Variants in ADGRE5 observed in about 807,000 individuals in gnomAD.
ADGRE5 encodes adhesion G protein-coupled receptor E5.
A neutral mutation model predicts 100.3 loss-of-function variants in ADGRE5; 72 were observed. The ratio of observed to expected loss-of-function variants is 0.72; its 90% CI spans 0.59 to 0.87. The LOEUF is 0.87. ADGRE5 is among the 40% of genes least tolerant of loss of function. The pLI, the probability that ADGRE5 is intolerant of heterozygous loss-of-function variation, is 0.00. For synonymous variants in ADGRE5, 439 were observed against 447.8 expected (o/e 0.98, Z 0.25); for missense variants, 959 against 1,094.7 (o/e 0.88, Z 1.75).
chr19:14,390,084 AAG>A (rs1426024616), intron 3 of ADGRE5, among the ~76,000 whole-genome samples: 1 of 144,106 alleles, frequency 6.9e-6, no homozygotes, highest in Non-Finnish European at 1.5e-5. Context: ...CTCAAAAAAA[AAG>A]AGAAGAAAAG....
At chr19:14,396,208 C>T (rs1165291325) in intron 4 of ADGRE5, 134 bp from the exon 5 acceptor site, 1 of 1,548,354 alleles carries the variant, frequency 6.5e-7, no homozygotes, top group African/African-American at 1.4e-5. Context: ...CATAGGATGC[C>T]TCTGTGTGGA....
chr19:14,399,563 C>CAA (rs764605166), intron 9 of ADGRE5, among the ~76,000 whole-genome samples: 1,971 of 31,744 alleles, frequency 0.062, 356 homozygotes, highest in East Asian at 0.11. Flanking sequence ...GACTCCGTCT[C>CAA]AAAAAAAAAA....
At chr19:14,403,392 G>A (rs1976092847) in intron 12 of ADGRE5, among the ~76,000 whole-genome samples, 1 of 151,958 alleles carries the variant, frequency 6.6e-6, no homozygotes, top group Non-Finnish European at 1.5e-5. Context: ...TCACTCTGTG[G>A]CCCAGGCTGG....
In ADGRE5 at chr19:14,407,082, C is replaced by T. The variant is rs771739352; in HGVS notation, c.2229C>T (p.Ile743=). 3.1e-6 allele frequency: 5 copies of T among 1,614,128 alleles called. No homozygotes were observed. The highest frequency in any genetic ancestry group is 4.2e-6 in the Non-Finnish European group (5 of 1,180,036). ...GCAGGGCGCTGACCATCACGGCCAT[C>T]GCGCAGCTCTTCCTGTTGGGCTGCA... The part of the protein sequence containing the change: ...KKARALTITA[I]AQLFLLGCTW... The change falls in exon 18 of 20, where the codon ATC becomes ATT. Residue 743 remains isoleucine (I), a synonymous_variant. Transcript: ENST00000242786.
chr19:14,385,854 C>T (rs528653932), intron 1 of ADGRE5, among the ~76,000 whole-genome samples: 22 of 151,382 alleles, frequency 1.5e-4, no homozygotes, highest in Non-Finnish European at 2.8e-4. Context: ...TGCTGCAACT[C>T]TGCCTCCTTA....
At chr19:14,398,905 G>A (rs1975896736) in intron 9 of ADGRE5, among the ~76,000 whole-genome samples, 1 of 151,160 alleles carries the variant, frequency 6.6e-6, no homozygotes, top group Non-Finnish European at 1.5e-5. Flanking sequence ...GCTGTGACAT[G>A]ATCATGGCTC....
At position 14,387,025 on chromosome 19, in the gene ADGRE5, T is replaced by A. The variant is rs540247637; in HGVS notation, c.23-1425T>A. Reference sequence around the variant, plus strand: ...GAGAGACTCTGTCTCAGAAAAAAAATAAAATAAATAAATAAATAAAAGAAG... The same window carrying A: ...GAGAGACTCTGTCTCAGAAAAAAAAAAAAATAAATAAATAAATAAAAGAAG... On this transcript the variant is annotated intron_variant, in intron 1 of 19. Coordinates refer to ENST00000242786, the MANE Select transcript of ADGRE5 (RefSeq NM_078481.4). 7.4e-4 allele frequency among the ~76,000 whole-genome samples: 112 copies of A among 150,928 alleles called. 1 individual carries two copies. The South Asian group carries it at 0.017, about 23-fold the overall frequency.
At chr19:14,400,852 A>G (rs1975980938) in intron 9 of ADGRE5, among the ~76,000 whole-genome samples, 1 of 152,208 alleles carries the variant, frequency 6.6e-6, no homozygotes, top group South Asian at 2.1e-4. Flanking sequence ...CGTATTAACC[A>G]CTTTAACATG....
chr19:14,396,227 G>T (rs1246509887), intron 4 of ADGRE5, 115 bp from the exon 5 acceptor site: 164 of 1,592,372 alleles, frequency 1.0e-4, no homozygotes, highest in Non-Finnish European at 1.4e-4. Flanking sequence ...GATTGGAAAA[G>T]GGAGGAGACA....
At chr19:14,407,359 A>G in intron 18 of ADGRE5, 130 bp downstream of exon 18, 1 of 1,072,852 alleles carries the variant, frequency 9.3e-7, no homozygotes, top group Non-Finnish European at 1.3e-6. Flanking sequence ...TGTCTTTACA[A>G]AAAAATTCAA....
intron 12 of ADGRE5, 47 bp downstream of exon 12, chr19:14,402,909 C>T (rs546827218): frequency 1.8e-5 from 29 of 1,593,396 alleles, no homozygotes; most frequent in South Asian, 1.3e-4. Flanking sequence ...CCAGGGCCTT[C>T]GCACATGCTG....
chr19:14,407,256 G>T (rs548539742), intron 18 of ADGRE5, 27 bp downstream of exon 18: 5 of 1,612,552 alleles, frequency 3.1e-6, no homozygotes, highest in South Asian at 1.1e-5. Flanking sequence ...AGTGGCGCAC[G>T]CCTGTCATCC....
intron 1 of ADGRE5, among the ~76,000 whole-genome samples, chr19:14,387,607 A>G (rs905830868): frequency 4.0e-5 from 6 of 151,788 alleles, no homozygotes; most frequent in Non-Finnish European, 8.8e-5. Flanking sequence ...GGACGCCTGT[A>G]GTCCCAGCTA....
At chr19:14,386,977 C>T (rs979115296) in intron 1 of ADGRE5, among the ~76,000 whole-genome samples, 5 of 147,178 alleles carry the variant, frequency 3.4e-5, no homozygotes, top group African/African-American at 5.0e-5. Flanking sequence ...ATCGTGCCAT[C>T]GCACTCCAGC....
At position 14,406,812 on chromosome 19, in the gene ADGRE5, C is replaced by CA; in HGVS notation, c.2115+47dup. On this transcript the variant is annotated intron_variant, in intron 16 of 19. Coordinates refer to ENST00000242786, the MANE Select transcript of ADGRE5 (RefSeq NM_078481.4). This position sits in a 1 kb window ranked among gnomAD's most constrained non-coding sequence, Gnocchi z 6.0. ...CACCGAAGCCCGAGCGCCACAGGCC[C>CA]AGGCCCGGCTGGACCATCGCTCTCG... The CA allele has an allele frequency of 6.2e-7, 1 of 1,611,928 alleles. No homozygotes were observed. Among genetic ancestry groups the CA allele is most frequent in the East Asian group, 2.2e-5 (1 of 44,878 alleles).
chr19:14,406,047 TGAGGC>T lies in ADGRE5; in HGVS notation c.1821+109_1821+113del. On this transcript the variant is annotated intron_variant, in intron 14 of 19. Transcript: ENST00000242786. The surrounding 1 kb of genome is among the most constrained non-coding windows in gnomAD (Gnocchi z 6.0). Reference sequence around the variant, plus strand: ...GTCGGGTAGGCGGGCCCTGGAGGCATGAGGCCCCGCCCCTGTCCGGGATCTGGCCC... The same window carrying T: ...GTCGGGTAGGCGGGCCCTGGAGGCATCCCGCCCCTGTCCGGGATCTGGCCC... The T allele has an allele frequency of 1.0e-6, 1 of 971,246 alleles. No individual in the cohort carries two copies. The highest frequency in any genetic ancestry group is 1.5e-6 in the Non-Finnish European group (1 of 672,250). 60.2% of individuals were successfully genotyped at this position (971,246 alleles called of 1,614,324 possible).
rs745649263 is a variant in ADGRE5 at position 14,398,124 on chromosome 19, C to T, written c.882C>T (p.Ala294=). ...GCAGAGACTCCAAGACAAGCTCAGC[C>T]GAGGTCACCATCCAGGTAAGGGCAG... ...DLGRDSKTSS[A]EVTIQNVIKL... Residue 294 remains alanine, a synonymous_variant, in exon 9 of 20, where the codon GCC becomes GCT. Transcript: ENST00000242786. The T allele has an allele frequency of 1.1e-5, 17 of 1,614,136 alleles. No individual in the cohort carries two copies. The highest frequency in any genetic ancestry group is 3.3e-5 in the Admixed American group (2 of 60,002).
chr19:14,387,727 C>G (rs1436143855), intron 1 of ADGRE5, among the ~76,000 whole-genome samples: 1 of 143,234 alleles, frequency 7.0e-6, no homozygotes, highest in East Asian at 2.0e-4. Flanking sequence ...GACTCCGTTT[C>G]AAAAAAAAAA....
At chr19:14,390,000 C>T (rs1305187645) in intron 3 of ADGRE5, among the ~76,000 whole-genome samples, 2 of 151,124 alleles carry the variant, frequency 1.3e-5, no homozygotes, top group Admixed American at 6.6e-5. Context: ...CGCTTGAACC[C>T]GGGAGGCGGA....
Sources: allele counts gnomAD v4.1 joint callset (sites outside exome capture counted in the v4.1 genomes callset), GRCh38; gene constraint gnomAD v4.1.1; non-coding constraint Gnocchi (gnomAD v3.1); transcripts MANE v1.5; gene names NCBI Gene and HGNC (gene_info 2026-07-23, HGNC 2026-07-21).